Variants in ANO1 observed in about 807,000 individuals in gnomAD.
ANO1 encodes anoctamin-1.
Under a neutral mutation model 124.0 loss-of-function variants are expected in ANO1, and 59 were observed. The observed-to-expected ratio is 0.48, with a 90% CI of 0.39 to 0.59. The LOEUF is 0.59. Ranked by LOEUF, ANO1 falls within the 20% of genes least tolerant of loss-of-function variation. The pLI is 0.00. For missense variants in ANO1, 1,059 were observed against 1,328.0 expected (o/e 0.80, Z 3.15); for synonymous variants, 529 against 532.0 (o/e 0.99, Z 0.08).
At chr11:70,185,443 G>A (rs868151685) in intron 24 of ANO1, 147 bp from the exon 25 acceptor site, 3 of 672,524 alleles carry the variant, frequency 4.5e-6, no homozygotes, top group Non-Finnish European at 7.5e-6. Flanking sequence ...GGGGCCATGG[G>A]CTGCTCGCCC....
chr11:70,134,457 G>A (rs1359551042), intron 11 of ANO1, among the ~76,000 whole-genome samples: 1 of 152,184 alleles, frequency 6.6e-6, no homozygotes, highest in African/African-American at 2.4e-5. Context: ...CTAAACCTCA[G>A]CTTCCTCATC....
At chr11:70,012,312 A>G (rs1856610981) in intron 1 of ANO1, among the ~76,000 whole-genome samples, 5 of 151,754 alleles carry the variant, frequency 3.3e-5, no homozygotes, top group Admixed American at 3.3e-4. Flanking sequence ...TGTTCCATCT[A>G]TCTATCCATC....
At chr11:70,185,563 C>T in intron 24 of ANO1, 27 bp from the exon 25 acceptor site, 1 of 1,605,282 alleles carries the variant, frequency 6.2e-7, no homozygotes, top group South Asian at 1.1e-5. Context: ...GAAGTCCCAC[C>T]CTCGACTCCA....
Position 70,004,436 on chromosome 11 carries a change from G to A in ANO1, c.58+18270G>A, listed in dbSNP as rs185826433. Among the ~76,000 whole-genome samples the A allele has an allele frequency of 9.3e-4, 142 of 152,324 alleles. 1 individual carries two copies. Among genetic ancestry groups the A allele is most frequent in the African/African-American group, 3.2e-3 (132 of 41,572 alleles). On this transcript the variant is annotated intron_variant, in intron 1 of 27. Transcript: ENST00000531349. ...CTCATGACTAGTCATTGTGCCCTTC[G>A]AGGGAGGTACTGCTCCTTCCCCAAT...
At chr11:70,147,317 G>A (rs1327477629) in intron 11 of ANO1, among the ~76,000 whole-genome samples, 1 of 152,156 alleles carries the variant, frequency 6.6e-6, no homozygotes, top group Admixed American at 6.5e-5. Flanking sequence ...CATCTTCAAG[G>A]AGGCAGAGAC....
intron 1 of ANO1, among the ~76,000 whole-genome samples, chr11:70,035,889 G>A (rs1457004707): frequency 6.6e-6 from 1 of 152,154 alleles, no homozygotes; most frequent in African/African-American, 2.4e-5. Context: ...ATTCCATGGT[G>A]TATATGTGCC....
intron 1 of ANO1, among the ~76,000 whole-genome samples, chr11:70,002,177 G>A (rs12295534): frequency 0.49 from 73,960 of 151,554 alleles, 19,291 homozygotes; most frequent in East Asian, 0.89. Flanking sequence ...CCAGCTGAGC[G>A]CAGTGGCTCA....
chr11:70,152,961 G>A, intron 13 of ANO1, 96 bp from the exon 14 acceptor site: 3 of 1,073,038 alleles, frequency 2.8e-6, no homozygotes, highest in Non-Finnish European at 4.1e-6. Flanking sequence ...GGGTGCCCGA[G>A]GCTAATACAT....
intron 25 of ANO1, among the ~76,000 whole-genome samples, chr11:70,186,980 G>A (rs2049153230): frequency 6.6e-6 from 1 of 152,232 alleles, no homozygotes; most frequent in African/African-American, 2.4e-5. Context: ...CCCGGAGCAG[G>A]CATGGCACCC....
intron 2 of ANO1, among the ~76,000 whole-genome samples, chr11:70,095,310 A>AGG: frequency 1.4e-5 from 2 of 145,060 alleles, no homozygotes; most frequent in African/African-American, 2.6e-5. Context: ...GAAAGAAAGA[A>AGG]AGAAAGAAAG....
intron 24 of ANO1, among the ~76,000 whole-genome samples, chr11:70,184,737 TTTTGGTTGTTG>T (rs1380013254): frequency 6.6e-6 from 1 of 152,192 alleles, no homozygotes; most frequent in Non-Finnish European, 1.5e-5. Flanking sequence ...TTGCTGTGTT[TTTTGGTTGTTG>T]TTTGGTTTGC....
At chr11:70,060,858 C>T (rs1049303550) in intron 1 of ANO1, among the ~76,000 whole-genome samples, 5 of 152,062 alleles carry the variant, frequency 3.3e-5, no homozygotes, top group Admixed American at 1.3e-4. Flanking sequence ...AAGGATGGGA[C>T]GAGTCAGGGA....
intron 22 of ANO1, among the ~76,000 whole-genome samples, chr11:70,176,298 C>T (rs1030024810): frequency 2.0e-5 from 3 of 151,954 alleles, no homozygotes; most frequent in African/African-American, 4.8e-5. Flanking sequence ...CAGGTGTGCG[C>T]CACCAGATTT....
intron 3 of ANO1, 103 bp from the exon 4 acceptor site, chr11:70,103,896 C>G: frequency 7.6e-7 from 1 of 1,319,216 alleles, no homozygotes; most frequent in Non-Finnish European, 1.0e-6. Flanking sequence ...CAGGACGCCC[C>G]GTTGCATGGG....
chr11:70,184,808 G>A (rs893422730), intron 24 of ANO1, among the ~76,000 whole-genome samples: 2 of 152,192 alleles, frequency 1.3e-5, no homozygotes, highest in African/African-American at 2.4e-5. Context: ...GAGCAGTGGC[G>A]TGATCAAAGC....
chr11:70,018,569 C>T (rs1247300259), intron 1 of ANO1, among the ~76,000 whole-genome samples: 3 of 152,132 alleles, frequency 2.0e-5, no homozygotes, highest in Admixed American at 6.5e-5. Context: ...ACCGTAGCTG[C>T]ACCACCTGCC....
chr11:70,077,985 A>C (rs1174786147), upstream of ANO1, among the ~76,000 whole-genome samples: 1 of 151,082 alleles, frequency 6.6e-6, no homozygotes, highest in Non-Finnish European at 1.5e-5. Flanking sequence ...GCCAGGGTGG[A>C]GGGAAAGGGG....
intron 1 of ANO1, among the ~76,000 whole-genome samples, chr11:70,044,669 A>T (rs1857231650): frequency 6.6e-6 from 1 of 152,186 alleles, no homozygotes; most frequent in Admixed American, 6.5e-5. Flanking sequence ...GAGGAACAGG[A>T]TATTTACATA....
chr11:70,137,250 C>G (rs1410055150), intron 11 of ANO1, among the ~76,000 whole-genome samples: 2 of 146,598 alleles, frequency 1.4e-5, no homozygotes, highest in African/African-American at 4.9e-5. Flanking sequence ...GAACCTGTCC[C>G]CATTTCACAG....
Sources: gnomAD v4.1 joint callset for allele counts (sites outside exome capture counted in the v4.1 genomes callset) on GRCh38, gnomAD v4.1.1 for gene constraint, MANE v1.5 for transcripts, NCBI Gene and HGNC (gene_info 2026-07-23, HGNC 2026-07-21) for gene names.